The following TTC23 variants were observed in gnomAD, a reference collection of about 807,000 sequenced individuals.
TTC23 encodes the protein tetratricopeptide repeat domain 23, also known as tetratricopeptide repeat protein 23.
A neutral mutation model predicts 55.1 loss-of-function variants in TTC23; 58 were observed. That is an observed-to-expected ratio of 1.05 (90% confidence interval 0.85 to 1.31). TTC23 has a LOEUF of 1.31. Ranked by LOEUF, TTC23 falls within the 50% of genes most tolerant of loss-of-function variation. The pLI is 0.00. For missense variants in TTC23, 516 were observed against 534.4 expected (o/e 0.97, Z 0.34); for synonymous variants, 203 against 199.9 (o/e 1.02, Z -0.13).
chr15:99,166,860 T>A (rs2072180132), intron 10 of TTC23, among the ~76,000 whole-genome samples: 1 of 152,172 alleles, frequency 6.6e-6, no homozygotes, highest in Non-Finnish European at 1.5e-5. Flanking sequence ...GACCCCTGTA[T>A]ATTAGAATGG....
intron 3 of TTC23, among the ~76,000 whole-genome samples, chr15:99,240,911 G>A (rs1312721649): frequency 6.6e-6 from 1 of 152,192 alleles, no homozygotes. Context: ...TCAATGAAAG[G>A]AGGAGGTATG....
At chr15:99,229,785 A>G (rs960163547) in intron 4 of TTC23, among the ~76,000 whole-genome samples, 5 of 152,228 alleles carry the variant, frequency 3.3e-5, no homozygotes, top group Non-Finnish European at 7.3e-5. Flanking sequence ...GACTGAAAAA[A>G]TTTCTAATTC....
In TTC23 at chr15:99,218,645, C is replaced by A. The variant is rs200167617; in HGVS notation, c.524G>T (p.Arg175Ile). The A allele has an allele frequency of 3.9e-5, 63 of 1,614,204 alleles. 1 individual carries two copies. The Middle Eastern group carries it at 1.2e-3, about 30-fold the overall frequency. The change falls in exon 8 of 14, where the codon AGA (arginine) becomes ATA (isoleucine). Residue 175 changes from arginine (R) to isoleucine (I), a missense_variant. Arg to Ile is a moderately conservative substitution (Grantham distance 97). Coordinates refer to ENST00000394132, the MANE Select transcript of TTC23 (RefSeq NM_001288615.3). ...RLSKELLQCG[R>I]IIKEEWIEIE... ...TTCTATCCATTCTTCCTTTATAATT[C>A]TTCCACATTGTAGCAGCTCCTTTGA...
chr15:99,212,310 A>G (rs1043081891), intron 8 of TTC23, among the ~76,000 whole-genome samples: 10 of 152,010 alleles, frequency 6.6e-5, no homozygotes, highest in Non-Finnish European at 1.3e-4. Context: ...GTGCAATGGC[A>G]TATGCCTGTA....
chr15:99,147,570 C>G (rs1461314678), intron 12 of TTC23, among the ~76,000 whole-genome samples: 2 of 152,184 alleles, frequency 1.3e-5, no homozygotes, highest in Non-Finnish European at 2.9e-5. Flanking sequence ...ACCATGACCC[C>G]TTTAACAATT....
At position 99,221,848 on chromosome 15, in the gene TTC23, T is replaced by C. The variant is rs536637774; in HGVS notation, c.197A>G (p.His66Arg). Residue 66 changes from histidine (H) to arginine (R), a missense_variant, in exon 6 of 14, where the codon CAT becomes CGT. By Grantham distance (29) the His-to-Arg change is conservative. Coordinates refer to ENST00000394132, the MANE Select transcript of TTC23 (RefSeq NM_001288615.3). Reference sequence around the variant, plus strand: ...CAGTGCTACGCAACGCACAAGCTCATGGACGGCCTGTTTGTACTGTTAGGA... The same window carrying C: ...CAGTGCTACGCAACGCACAAGCTCACGGACGGCCTGTTTGTACTGTTAGGA... ...SNSHEYKQAV[H>R]ELVRCVALTR... 2.5e-6 allele frequency: 4 copies of C among 1,614,100 alleles called. No individual in the cohort carries two copies. Among genetic ancestry groups the C allele is most frequent in the Non-Finnish European group, 2.5e-6 (3 of 1,180,026 alleles).
intron 8 of TTC23, among the ~76,000 whole-genome samples, chr15:99,203,845 C>T (rs1251934765): frequency 6.6e-6 from 1 of 152,080 alleles, no homozygotes; most frequent in Middle Eastern, 3.2e-3. Context: ...TTTTTAATGG[C>T]TAATATTCCA....
At chr15:99,140,226 TGGGTAC>T (rs1451328546) in intron 12 of TTC23, 1 of 154,846 alleles carries the variant, frequency 6.5e-6, no homozygotes, top group Non-Finnish European at 1.4e-5. Context: ...AGTCAATAAA[TGGGTAC>T]TGGGACCGCT....
At chr15:99,186,399 A>C (rs1026006056) in intron 9 of TTC23, among the ~76,000 whole-genome samples, 12 of 152,204 alleles carry the variant, frequency 7.9e-5, no homozygotes, top group Non-Finnish European at 1.8e-4. Context: ...GTTAGTTTTA[A>C]AACACTCTCT....
intron 10 of TTC23, among the ~76,000 whole-genome samples, chr15:99,165,948 G>A (rs1256159976): frequency 3.3e-5 from 5 of 152,320 alleles, no homozygotes; most frequent in South Asian, 4.1e-4. Context: ...CTGATTGGGA[G>A]TCAACTGAAG....
At chr15:99,192,026 CCT>C (rs1165290535) in intron 9 of TTC23, among the ~76,000 whole-genome samples, 4 of 152,054 alleles carry the variant, frequency 2.6e-5, no homozygotes, top group Non-Finnish European at 5.9e-5. Flanking sequence ...GCATTTTGCC[CCT>C]GTCCTAGAGA....
intron 12 of TTC23, chr15:99,140,176 C>T (rs1555489640): frequency 6.3e-6 from 1 of 158,692 alleles, no homozygotes; most frequent in African/African-American, 2.4e-5. Context: ...TGACAGATGA[C>T]AGAAATGGCC....
intron 9 of TTC23, among the ~76,000 whole-genome samples, chr15:99,198,620 T>C (rs1358118142): frequency 6.6e-6 from 1 of 152,204 alleles, no homozygotes; most frequent in Non-Finnish European, 1.5e-5. Context: ...TGCCATTTAT[T>C]GGGTATGTAC....
At chr15:99,226,774 G>C (rs1284743522) in intron 5 of TTC23, among the ~76,000 whole-genome samples, 2 of 152,068 alleles carry the variant, frequency 1.3e-5, no homozygotes, top group Non-Finnish European at 2.9e-5. Flanking sequence ...CAGCTTATCT[G>C]TCACGTCTTC....
chr15:99,169,597 G>A (rs2072634244), intron 10 of TTC23, among the ~76,000 whole-genome samples: 2 of 152,176 alleles, frequency 1.3e-5, no homozygotes, highest in South Asian at 4.1e-4. Flanking sequence ...AGGGAGTGGG[G>A]AGGGCCCAGC....
chr15:99,180,731 C>G (rs1026926496), intron 9 of TTC23, among the ~76,000 whole-genome samples: 1 of 152,150 alleles, frequency 6.6e-6, no homozygotes, highest in African/African-American at 2.4e-5. Context: ...ATTTTCCCCC[C>G]ACTTTGTAAT....
intron 2 of TTC23, among the ~76,000 whole-genome samples, chr15:99,244,067 G>A (rs2080030994): frequency 6.6e-6 from 1 of 152,308 alleles, no homozygotes. Flanking sequence ...TTGTATGCCT[G>A]TGTCAAAGCA....
rs755528970 is a variant in TTC23 at position 99,161,768 on chromosome 15, T to C, written c.965A>G (p.His322Arg). Residue 322 changes from histidine (H) to arginine (R), a missense_variant, in exon 11 of 14, where the codon CAT (histidine) becomes CGT (arginine). Transcript: ENST00000394132. ...TTTTTGTCCAGTCATTTGTAGAAAA[T>C]GGCAAAATTCATCTTGAATTGAAAG... is the stretch of plus-strand genomic sequence containing the variant. ...KFLSIQDEFC[H>R]FLQMTGQKER... 2 of 1,613,428 alleles carry C rather than the reference T, an allele frequency of 1.2e-6. No homozygotes were observed. Among genetic ancestry groups the C allele is most frequent in the South Asian group, 2.2e-5 (2 of 90,906 alleles).
intron 2 of TTC23, among the ~76,000 whole-genome samples, chr15:99,244,414 C>T (rs537121666): frequency 6.6e-6 from 1 of 152,120 alleles, no homozygotes; most frequent in East Asian, 1.9e-4. Flanking sequence ...ACAAATAAAT[C>T]GCCCCCCCCA....
Sources: allele counts gnomAD v4.1 joint callset (sites outside exome capture counted in the v4.1 genomes callset), GRCh38; gene constraint gnomAD v4.1.1; transcripts MANE v1.5; gene names NCBI Gene and HGNC (gene_info 2026-07-23, HGNC 2026-07-21).